The following EYS variants were observed in gnomAD, a reference collection of about 807,000 sequenced individuals.
The protein encoded by EYS is protein eyes shut homolog.
A neutral mutation model predicts 282.1 loss-of-function variants in EYS; 250 were observed. The observed-to-expected ratio is 0.89, with a 90% CI of 0.80 to 0.98. The LOEUF is 0.98. Among genes scored for constraint, EYS ranks in the 50% least tolerant of loss-of-function variants. The probability of loss-of-function intolerance (pLI) is 0.00; values close to 1 mark genes in which losing one functional copy is unlikely to be tolerated. For synonymous variants in EYS, 1,355 were observed against 1,282.9 expected, an observed-to-expected ratio of 1.06 and a Z score of -1.20; for missense variants, 4,016 against 3,709.0, an observed-to-expected ratio of 1.08 and a Z score of -2.15.
chr6:64,708,461 C>T (rs1252402969), intron 22 of EYS, among the ~76,000 whole-genome samples: 1 of 152,180 alleles, frequency 6.6e-6, no homozygotes, highest in Admixed American at 6.5e-5. Context: ...GAAGTCTGAT[C>T]TACCCAGGTT....
chr6:64,853,030 T>C (rs1417816011), intron 19 of EYS, among the ~76,000 whole-genome samples: 1 of 152,180 alleles, frequency 6.6e-6, no homozygotes, highest in Non-Finnish European at 1.5e-5. Context: ...ATATTTTTGT[T>C]TCTTTCTTGC....
At chr6:64,792,816 T>C (rs1006165952) in intron 22 of EYS, among the ~76,000 whole-genome samples, 3 of 149,262 alleles carry the variant, frequency 2.0e-5, no homozygotes, top group African/African-American at 4.9e-5. Flanking sequence ...TCTCTGACAA[T>C]GTCAAAGTCA....
At chr6:64,748,582 T>C (rs1274359737) in intron 22 of EYS, among the ~76,000 whole-genome samples, 3 of 152,184 alleles carry the variant, frequency 2.0e-5, no homozygotes, top group East Asian at 1.9e-4. Flanking sequence ...TCATCTATCA[T>C]TGTGTTCCCA....
intron 12 of EYS, among the ~76,000 whole-genome samples, chr6:65,177,621 C>G (rs190316536): frequency 2.0e-5 from 3 of 151,878 alleles, no homozygotes; most frequent in Admixed American, 2.0e-4. Context: ...TATACCCTCA[C>G]ATATACATAC....
At chr6:65,146,781 A>T (rs1764489432) in intron 12 of EYS, among the ~76,000 whole-genome samples, 1 of 152,014 alleles carries the variant, frequency 6.6e-6, no homozygotes, top group Admixed American at 6.6e-5. Context: ...TAAAGGAAAC[A>T]GGTTCTGAAA....
intron 5 of EYS, among the ~76,000 whole-genome samples, chr6:65,406,205 A>G (rs549785714): frequency 5.9e-5 from 9 of 152,254 alleles, no homozygotes; most frequent in African/African-American, 2.2e-4. Context: ...TGTATTAATC[A>G]TTTGTATATC....
At chr6:65,078,805 G>A (rs1409544572) in intron 12 of EYS, among the ~76,000 whole-genome samples, 4 of 151,972 alleles carry the variant, frequency 2.6e-5, no homozygotes, top group South Asian at 2.1e-4. Flanking sequence ...GGTGGGAGGC[G>A]TTTTGATCAT....
At chr6:64,220,877 A>C (rs1169740659) in intron 31 of EYS, among the ~76,000 whole-genome samples, 1 of 152,176 alleles carries the variant, frequency 6.6e-6, no homozygotes, top group Non-Finnish European at 1.5e-5. Flanking sequence ...AACCATGGAC[A>C]AAACACTTAA....
At chr6:64,025,433 C>A (rs148484135) in intron 33 of EYS, among the ~76,000 whole-genome samples, 1,557 of 152,268 alleles carry the variant, frequency 0.01, 18 homozygotes, top group East Asian at 0.035. Flanking sequence ...CTGACCCTTG[C>A]CCCTTGGGTC....
At chr6:64,913,704 A>G (rs1420245573) in intron 15 of EYS, among the ~76,000 whole-genome samples, 1 of 152,134 alleles carries the variant, frequency 6.6e-6, no homozygotes, top group African/African-American at 2.4e-5. Flanking sequence ...TGTGAATAGC[A>G]CTATGATAAA....
At chr6:64,026,329 C>A (rs542694534) in intron 33 of EYS, among the ~76,000 whole-genome samples, 343 of 152,244 alleles carry the variant, frequency 2.3e-3, no homozygotes, top group African/African-American at 7.8e-3. Context: ...ACAAAACAAA[C>A]CAAAACCATG....
At position 63,789,194 on chromosome 6, in the gene EYS, C is replaced by A. The variant is rs1770445893; in HGVS notation, c.7442G>T (p.Gly2481Val). Residue 2481 changes from glycine to valine, a missense_variant, in exon 38 of 43, where the codon GGC (glycine) becomes GTC (valine). Coordinates refer to ENST00000503581, the MANE Select transcript of EYS (RefSeq NM_001142800.2). ...GLNGDDFLAV[G>V]LLNGSVVYSY... Reference sequence around the variant, plus strand: ...ATAAACCACACTGCCATTGAGCAGGCCCACAGCCAGGAAGTCATCGCCATT... The same window carrying A: ...ATAAACCACACTGCCATTGAGCAGGACCACAGCCAGGAAGTCATCGCCATT... 1.9e-6 allele frequency: 3 copies of A among 1,551,790 alleles called. No individual in the cohort carries two copies. The highest frequency in any genetic ancestry group is 2.6e-6 in the Non-Finnish European group (3 of 1,146,938).
intron 35 of EYS, among the ~76,000 whole-genome samples, chr6:63,954,499 T>A (rs1360803098): frequency 1.3e-5 from 2 of 152,094 alleles, no homozygotes; most frequent in Non-Finnish European, 2.9e-5. Flanking sequence ...TATGTAAGGG[T>A]CCCCCATCAT....
At chr6:63,919,787 G>A (rs1251683396) in intron 35 of EYS, among the ~76,000 whole-genome samples, 1 of 152,210 alleles carries the variant, frequency 6.6e-6, no homozygotes. Flanking sequence ...CACCCCAGGA[G>A]CTTTTAGATC....
chr6:63,751,482 T>G (rs868366615), intron 41 of EYS, among the ~76,000 whole-genome samples: 13 of 152,342 alleles, frequency 8.5e-5, no homozygotes, highest in Non-Finnish European at 1.6e-4. Context: ...TATGTTGGCT[T>G]GTAAGCTCTT....
At chr6:64,429,861 A>G (rs994083258) in intron 28 of EYS, among the ~76,000 whole-genome samples, 1 of 152,314 alleles carries the variant, frequency 6.6e-6, no homozygotes, top group East Asian at 1.9e-4. Context: ...AATGAAAATC[A>G]ATTGTTCATT....
At chr6:64,428,105 A>T (rs1221322055) in intron 28 of EYS, among the ~76,000 whole-genome samples, 2 of 152,138 alleles carry the variant, frequency 1.3e-5, no homozygotes, top group Non-Finnish European at 2.9e-5. Flanking sequence ...CAAGTTAATG[A>T]GAATTAAAAT....
chr6:65,408,240 G>T (rs1766838648), intron 5 of EYS, among the ~76,000 whole-genome samples: 1 of 152,002 alleles, frequency 6.6e-6, no homozygotes, highest in East Asian at 1.9e-4. Context: ...AGTGATATTG[G>T]TCTTTAGTTT....
chr6:64,371,196 G>A (rs550606163), intron 29 of EYS, among the ~76,000 whole-genome samples: 1 of 152,132 alleles, frequency 6.6e-6, no homozygotes, highest in Non-Finnish European at 1.5e-5. Context: ...CTATATCCCA[G>A]AGATTCTGGA....
Sources: gnomAD v4.1 joint callset for allele counts (sites outside exome capture counted in the v4.1 genomes callset) on GRCh38, gnomAD v4.1.1 for gene constraint, MANE v1.5 for transcripts, NCBI Gene and HGNC (gene_info 2026-07-23, HGNC 2026-07-21) for gene names.